The following CCR3 variants were observed in gnomAD, a reference collection of about 807,000 sequenced individuals.
CCR3 encodes the protein C-C chemokine receptor type 3.
For synonymous variants in CCR3, 203 were observed against 179.2 expected, an observed-to-expected ratio of 1.13 and a Z score of -1.06; for missense variants, 419 against 437.5, an observed-to-expected ratio of 0.96 and a Z score of 0.38.
intron 1 of CCR3, among the ~76,000 whole-genome samples, chr3:46,250,845 G>A (rs1700294143): frequency 6.6e-6 from 1 of 151,662 alleles, no homozygotes; most frequent in African/African-American, 2.4e-5. Context: ...GGGAAGGGGG[G>A]TTGGGGCATG....
intron 1 of CCR3, among the ~76,000 whole-genome samples, chr3:46,257,925 T>C (rs1410494137): frequency 6.6e-6 from 1 of 152,194 alleles, no homozygotes; most frequent in African/African-American, 2.4e-5. Context: ...GGTAGTTGTA[T>C]AGTTCAAAGG....
At chr3:46,236,886 T>C (rs998571446) in intron 2 of CCR3, among the ~76,000 whole-genome samples, 7 of 152,144 alleles carry the variant, frequency 4.6e-5, no homozygotes, top group African/African-American at 7.2e-5. Context: ...TCCTGGAAAG[T>C]TGTCCCGCAG....
intron 1 of CCR3, among the ~76,000 whole-genome samples, chr3:46,254,907 G>A (rs1700388480): frequency 6.6e-6 from 1 of 151,926 alleles, no homozygotes; most frequent in East Asian, 1.9e-4. Flanking sequence ...TTTTCCTCTG[G>A]GTAGATACCC....
chr3:46,211,238 G>A (rs1013287269), intron 2 of CCR3, among the ~76,000 whole-genome samples: 5 of 141,278 alleles, frequency 3.5e-5, no homozygotes, highest in Admixed American at 1.5e-4. Flanking sequence ...TTGCTCTGTC[G>A]CCCAGGCTGG....
intron 2 of CCR3, among the ~76,000 whole-genome samples, chr3:46,237,168 G>A (rs1700033866): frequency 6.6e-6 from 1 of 152,190 alleles, no homozygotes; most frequent in African/African-American, 2.4e-5. Flanking sequence ...GAATAGTGCT[G>A]CAGTAAACAC....
rs199631961 is a variant in CCR3, at chr3:46,242,528, G to A, written c.-22G>A. 1.8e-4 allele frequency: 28 copies of A among 152,028 alleles called. No individual in the cohort carries two copies. Among genetic ancestry groups the A allele is most frequent in the Admixed American group, 5.3e-4 (8 of 15,236 alleles). 9.4% of individuals were successfully genotyped at this position (152,028 alleles called of 1,614,324 possible). ...ATACAATAGAAGTTTTTACTTAGAA[G>A]AGATTTTCAGGTAGGTGTCGCTTTT... is the stretch of plus-strand genomic sequence containing the variant. On this transcript the variant is annotated 5_prime_UTR_variant, in exon 1 of 2. Coordinates refer to ENST00000395940, the MANE Select transcript of CCR3 (RefSeq NM_178329.3).
intron 1 of CCR3, among the ~76,000 whole-genome samples, chr3:46,242,982 C>CATATATATATATATATACACAT (rs1553644088): frequency 1.0e-5 from 1 of 99,326 alleles, no homozygotes; most frequent in Non-Finnish European, 1.9e-5. Flanking sequence ...TATATATACA[C>CATATATATATATATATACACAT]ATATATATAT....
chr3:46,243,550 G>A (rs1037926737), intron 1 of CCR3, among the ~76,000 whole-genome samples: 4 of 152,194 alleles, frequency 2.6e-5, no homozygotes, highest in East Asian at 1.9e-4. Context: ...AAGCCTTACC[G>A]ATTCTTCTGG....
chr3:46,215,147 T>C (rs1296239610), intron 2 of CCR3, among the ~76,000 whole-genome samples: 2 of 152,196 alleles, frequency 1.3e-5, no homozygotes, highest in African/African-American at 2.4e-5. Context: ...GACAGTCACA[T>C]GTGTGTTCCT....
At chr3:46,222,012 G>A (rs990932431) in intron 2 of CCR3, among the ~76,000 whole-genome samples, 47 of 152,244 alleles carry the variant, frequency 3.1e-4, no homozygotes, top group African/African-American at 1.1e-3. Flanking sequence ...ACACAAACTG[G>A]CACTGAAGAT....
chr3:46,214,684 C>T (rs1200582611), intron 2 of CCR3, among the ~76,000 whole-genome samples: 1 of 152,070 alleles, frequency 6.6e-6, no homozygotes, highest in Non-Finnish European at 1.5e-5. Flanking sequence ...CACTTGTGAG[C>T]CAGATCCTCT....
chr3:46,264,464 C>T (rs1700581314), intron 1 of CCR3: 2 of 1,511,090 alleles, frequency 1.3e-6, no homozygotes, highest in Non-Finnish European at 1.8e-6. Context: ...AAGTCCGTAG[C>T]AAATTTTTCA....
At position 46,252,169 on chromosome 3, in the gene CCR3, C is replaced by CTTTTTT. The variant is rs58623050; in HGVS notation, c.-12+9650_-12+9655dup. Among the ~76,000 whole-genome samples the CTTTTTT allele has an allele frequency of 4.0e-4, 35 of 86,866 alleles. 1 individual carries two copies. Among genetic ancestry groups the CTTTTTT allele is most frequent in the Non-Finnish European group, 5.8e-4 (27 of 46,302 alleles). The allele number at this position is 86,866 out of a possible 152,430, so 57.0% of individuals were successfully genotyped here. ...CAATAGCCATGAGGCTAGTTTCTGT[C>CTTTTTT]TTTTTTTTTTTTTTTTTTTTTTTTG... On this transcript the variant is annotated intron_variant, in intron 1 of 1. Transcript: ENST00000395940.
intron 1 of CCR3, chr3:46,264,408 C>A: frequency 6.5e-7 from 1 of 1,532,928 alleles, no homozygotes; most frequent in South Asian, 1.2e-5. Context: ...TGGATTATGC[C>A]ATTTGGAATA....
chr3:46,213,196 C>T (rs1575482262), intron 2 of CCR3, among the ~76,000 whole-genome samples: 1 of 152,086 alleles, frequency 6.6e-6, no homozygotes, highest in Admixed American at 6.5e-5. Context: ...CATTTTTTCT[C>T]GTGATTCTGT....
chr3:46,225,169 T>C (rs926117409), intron 2 of CCR3, among the ~76,000 whole-genome samples: 6 of 152,172 alleles, frequency 3.9e-5, no homozygotes, highest in African/African-American at 1.4e-4. Context: ...TGGTCAAAAC[T>C]GATCAGCAGT....
rs886916982 is a variant in CCR3 at position 46,211,159 on chromosome 3, T to C, written c.-68+252T>C. 3.9e-5 allele frequency among the ~76,000 whole-genome samples: 6 copies of C among 151,966 alleles called. No homozygotes were observed. In the East Asian group the frequency reaches 1.2e-3, roughly 29 times the overall value. On this transcript the variant is annotated intron_variant, in intron 2 of 3. Coordinates refer to the CCR3 transcript ENST00000357422. ...AGATTTCTGGACTTATCTCCAGAGATTAAGTTCAGTAGGTCTGGAATGGGG... is the reference window on the plus strand; with the variant it reads ...AGATTTCTGGACTTATCTCCAGAGACTAAGTTCAGTAGGTCTGGAATGGGG...
chr3:46,223,033 AC>A (rs1191182351), intron 2 of CCR3, among the ~76,000 whole-genome samples: 1 of 152,200 alleles, frequency 6.6e-6, no homozygotes, highest in Non-Finnish European at 1.5e-5. Flanking sequence ...CCAAGTTAAC[AC>A]TTACAGTCTT....
rs1575516563 is a variant in CCR3, at chr3:46,266,545, C to G, written c.*319C>G. The G allele has an allele frequency of 4.0e-6, 1 of 248,304 alleles. No homozygotes were observed. Among genetic ancestry groups the G allele is most frequent in the Admixed American group, 5.4e-5 (1 of 18,486 alleles). 15.4% of individuals were successfully genotyped at this position (248,304 alleles called of 1,614,324 possible). On this transcript the variant is annotated 3_prime_UTR_variant, in exon 2 of 2. Coordinates refer to ENST00000395940, the MANE Select transcript of CCR3 (RefSeq NM_178329.3). ...TATATGCCGCTACAAAAAGGTAAAA[C>G]TTTTTATATTTTATACATTAACTTC...
Sources: gnomAD v4.1 joint callset for allele counts (sites outside exome capture counted in the v4.1 genomes callset) on GRCh38, gnomAD v4.1.1 for gene constraint, MANE v1.5 for transcripts, NCBI Gene and HGNC (gene_info 2026-07-23, HGNC 2026-07-21) for gene names.